The following CD86 variants were observed in gnomAD, a reference collection of about 807,000 sequenced individuals.
CD86 encodes the protein CD86 molecule.
CD86 carries 11 observed loss-of-function variants against 32.1 expected under a neutral mutation model. The ratio of observed to expected loss-of-function variants is 0.34; its 90% confidence interval spans 0.22 to 0.57. The LOEUF (loss-of-function observed/expected upper bound fraction) is 0.57, where lower values mean the gene tolerates loss of function less well. Ranked by LOEUF, CD86 falls within the 20% of genes least tolerant of loss-of-function variation. The pLI, the probability that CD86 is intolerant of heterozygous loss-of-function variation, is 0.86. For synonymous variants in CD86, 137 were observed against 135.3 expected (o/e 1.01, Z -0.09); for missense variants, 359 against 398.4 (o/e 0.90, Z 0.84).
chr3:122,062,037 T>G (rs914746859), intron 1 of CD86, among the ~76,000 whole-genome samples: 2 of 152,068 alleles, frequency 1.3e-5, no homozygotes, highest in Non-Finnish European at 2.9e-5. Context: ...CTGTACATTT[T>G]TTCAACTTCT....
In CD86 at chr3:122,119,842, C is replaced by T. The variant is rs1445006982; in HGVS notation, c.*308C>T. 1 of 207,450 alleles carries T rather than the reference C, an allele frequency of 4.8e-6. No homozygotes were observed. Among genetic ancestry groups the T allele is most frequent in the Non-Finnish European group, 9.4e-6 (1 of 106,320 alleles). 12.9% of individuals were successfully genotyped at this position (207,450 alleles called of 1,614,324 possible). ...AATACCTCCTCCAGATCAGATTCTT[C>T]TCTTAATTTCATAGATTGTGTTTTT... is the stretch of plus-strand genomic sequence containing the variant. On this transcript the variant is annotated 3_prime_UTR_variant, in exon 7 of 7. Coordinates refer to ENST00000330540, the MANE Select transcript of CD86 (RefSeq NM_175862.5).
At chr3:122,099,655 T>C (rs1209545623) in intron 2 of CD86, among the ~76,000 whole-genome samples, 1 of 152,150 alleles carries the variant, frequency 6.6e-6, no homozygotes, top group Non-Finnish European at 1.5e-5. Flanking sequence ...ATTGAAGTTG[T>C]GGAAAGGAAT....
intron 1 of CD86, among the ~76,000 whole-genome samples, chr3:122,089,657 A>G (rs1322404694): frequency 1.3e-5 from 2 of 152,242 alleles, no homozygotes; most frequent in Admixed American, 1.3e-4. Flanking sequence ...ACAATTTGCA[A>G]CTATTCTTCA....
At chr3:122,101,512 AAATATATATATAT>A (rs1266672997) in intron 2 of CD86, among the ~76,000 whole-genome samples, 18 of 26,774 alleles carry the variant, frequency 6.7e-4, no homozygotes, top group African/African-American at 1.7e-3. Context: ...AAAAAAAAAA[AAATATATATATAT>A]ATATATATAT....
intron 2 of CD86, among the ~76,000 whole-genome samples, chr3:122,099,501 C>T (rs2072962615): frequency 6.6e-6 from 1 of 152,226 alleles, no homozygotes; most frequent in African/African-American, 2.4e-5. Flanking sequence ...TGAGACAGGA[C>T]ACTGCAGATT....
chr3:122,089,391 T>C (rs1032445622), intron 1 of CD86, among the ~76,000 whole-genome samples: 3 of 152,230 alleles, frequency 2.0e-5, no homozygotes, highest in African/African-American at 7.2e-5. Flanking sequence ...TTCCTATTGC[T>C]AAAGATCACA....
chr3:122,066,955 C>A (rs942367254), intron 1 of CD86, among the ~76,000 whole-genome samples: 1 of 152,030 alleles, frequency 6.6e-6, no homozygotes, highest in African/African-American at 2.4e-5. Context: ...TGATCTAGAT[C>A]TGCAAGGAAG....
intron 5 of CD86, among the ~76,000 whole-genome samples, chr3:122,117,246 A>G (rs2073268541): frequency 6.6e-6 from 1 of 152,158 alleles, no homozygotes; most frequent in Non-Finnish European, 1.5e-5. Context: ...ACCCAAGTCC[A>G]TTATATCATT....
chr3:122,106,840 G>GCACGCACACACACA (rs1553754162), intron 4 of CD86, among the ~76,000 whole-genome samples: 1 of 143,476 alleles, frequency 7.0e-6, no homozygotes, highest in Non-Finnish European at 1.5e-5. Flanking sequence ...ACATGCGCTT[G>GCACGCACACACACA]CACACACACA....
At chr3:122,101,505 A>ATATATATAT (rs1559909685) in intron 2 of CD86, among the ~76,000 whole-genome samples, 9 of 45,474 alleles carry the variant, frequency 2.0e-4, no homozygotes, top group African/African-American at 5.4e-4. Context: ...GAAAAAAAAA[A>ATATATATAT]AAAAAAAAAT....
chr3:122,056,016 G>A (rs146719007), intron 1 of CD86, among the ~76,000 whole-genome samples: 175 of 152,226 alleles, frequency 1.1e-3, no homozygotes, highest in African/African-American at 3.9e-3. Context: ...AGTGGAAGGA[G>A]GTAGAGTGAT....
At chr3:122,107,110 G>T (rs1485032775) in intron 4 of CD86, among the ~76,000 whole-genome samples, 1 of 152,110 alleles carries the variant, frequency 6.6e-6, no homozygotes, top group African/African-American at 2.4e-5. Context: ...AAAAGTGACT[G>T]GTAATGAGAT....
At chr3:122,064,639 T>G (rs2072388473) in intron 1 of CD86, among the ~76,000 whole-genome samples, 1 of 152,154 alleles carries the variant, frequency 6.6e-6, no homozygotes. Context: ...GTCTTATATT[T>G]CAAGAGGAGC....
At chr3:122,089,637 T>C (rs936903225) in intron 1 of CD86, among the ~76,000 whole-genome samples, 13 of 152,230 alleles carry the variant, frequency 8.5e-5, no homozygotes, top group African/African-American at 3.1e-4. Flanking sequence ...ACGTATAATC[T>C]CAGGGGAGAA....
At chr3:122,079,789 T>C (rs2072605285) in intron 1 of CD86, among the ~76,000 whole-genome samples, 1 of 152,224 alleles carries the variant, frequency 6.6e-6, no homozygotes, top group African/African-American at 2.4e-5. Context: ...CACCTCCCCA[T>C]CACGGCCCTG....
At chr3:122,107,583 G>C (rs2073111874) in intron 4 of CD86, among the ~76,000 whole-genome samples, 1 of 152,156 alleles carries the variant, frequency 6.6e-6, no homozygotes, top group East Asian at 1.9e-4. Flanking sequence ...GAATAAAGGT[G>C]GTCTGCATCT....
intron 3 of CD86, 86 bp from the exon 4 acceptor site, chr3:122,106,112 C>T: frequency 9.4e-7 from 1 of 1,065,202 alleles, no homozygotes; most frequent in Non-Finnish European, 1.3e-6. Flanking sequence ...CAATGAGCCC[C>T]AGATCAAGTA....
intron 1 of CD86, chr3:122,078,144 G>C: frequency 2.8e-6 from 2 of 707,198 alleles, no homozygotes; most frequent in Non-Finnish European, 3.5e-6. Context: ...GCCGGCCAGA[G>C]AATGAGTAAA....
At chr3:122,071,820 C>T (rs1198089099) in intron 1 of CD86, among the ~76,000 whole-genome samples, 2 of 151,150 alleles carry the variant, frequency 1.3e-5, no homozygotes, top group Non-Finnish European at 2.9e-5. Flanking sequence ...TGGTGTGCTG[C>T]ACCCATTAAC....
Sources: allele counts gnomAD v4.1 joint callset (sites outside exome capture counted in the v4.1 genomes callset), GRCh38; gene constraint gnomAD v4.1.1; transcripts MANE v1.5; gene names NCBI Gene and HGNC (gene_info 2026-07-23, HGNC 2026-07-21).